The following ITPR2 variants were observed in gnomAD, a reference collection of about 807,000 sequenced individuals.
The protein encoded by ITPR2 is inositol 1,4,5-trisphosphate-gated calcium channel ITPR2.
Under a neutral mutation model 317.1 loss-of-function variants are expected in ITPR2, and 207 were observed. The observed-to-expected ratio is 0.65, with a 90% CI of 0.58 to 0.73. The LOEUF is 0.73. Ranked by LOEUF, ITPR2 falls within the 30% of genes least tolerant of loss-of-function variation. The pLI is 0.00. For missense variants in ITPR2, 2,613 were observed against 3,284.0 expected (o/e 0.80, Z 4.99); for synonymous variants, 1,156 against 1,149.1 (o/e 1.01, Z -0.12).
At chr12:26,701,804 C>A (rs1326587794) in intron 9 of ITPR2, among the ~76,000 whole-genome samples, 1 of 152,106 alleles carries the variant, frequency 6.6e-6, no homozygotes, top group Non-Finnish European at 1.5e-5. Context: ...TGTTTACTGC[C>A]ATCTGGTGGA....
intron 5 of ITPR2, chr12:26,721,141 G>A: frequency 2.5e-6 from 1 of 403,892 alleles, no homozygotes; most frequent in Non-Finnish European, 4.4e-6. Flanking sequence ...ACTATTTAAT[G>A]AAACTAAAAT....
rs542092614 is a variant in ITPR2, at chr12:26,626,815, A to C, written c.3064+1218T>G. On this transcript the variant is annotated intron_variant, in intron 23 of 56. Transcript: ENST00000381340. Reference sequence around the variant, plus strand: ...GGACGAAGAAGAGGGGAGAGTTCCTAATGTCACAGTGGTGGCAGTTAGAAG... The same window carrying C: ...GGACGAAGAAGAGGGGAGAGTTCCTCATGTCACAGTGGTGGCAGTTAGAAG... 2.0e-5 allele frequency among the ~76,000 whole-genome samples: 3 copies of C among 152,342 alleles called. No homozygotes were observed. In the South Asian group the frequency reaches 6.2e-4, roughly 32 times the overall value.
At chr12:26,428,150 T>C (rs1941118244) in intron 48 of ITPR2, 62 bp from the exon 49 acceptor site, 1 of 1,313,244 alleles carries the variant, frequency 7.6e-7, no homozygotes, top group Admixed American at 2.4e-5. Context: ...CTAAAATATT[T>C]GCTGCTCTAC....
At chr12:26,628,386 T>C (rs555391748) in intron 22 of ITPR2, among the ~76,000 whole-genome samples, 5 of 152,310 alleles carry the variant, frequency 3.3e-5, no homozygotes, top group Admixed American at 6.5e-5. Flanking sequence ...GGAAAGAACA[T>C]TTGACTCCCT....
In ITPR2 at chr12:26,481,158, G is replaced by A. The variant is rs180906254; in HGVS notation, c.6096C>T (p.Tyr2032=). 75 of 1,611,840 alleles carry A rather than the reference G, an allele frequency of 4.7e-5. No homozygotes were observed. In the East Asian group the frequency reaches 1.7e-3, roughly 35 times the overall value. ...ILNDINPLGK[Y]RMDLVLQLKN... ...TTAGCTGGAGCACCAGGTCCATTCG[G>A]TATTTACCAAGAGGGTTTATGTCAT... Residue 2032 remains tyrosine (Y), a synonymous_variant, in exon 43 of 57, where the codon TAC becomes TAT. Transcript: ENST00000381340.
chr12:26,711,507 T>G (rs1948641723), intron 8 of ITPR2, among the ~76,000 whole-genome samples: 1 of 152,184 alleles, frequency 6.6e-6, no homozygotes. Flanking sequence ...CAAACACAGC[T>G]TTACTCAGAA....
chr12:26,687,069 G>A (rs1948141076), intron 10 of ITPR2, among the ~76,000 whole-genome samples: 1 of 152,156 alleles, frequency 6.6e-6, no homozygotes, highest in Non-Finnish European at 1.5e-5. Context: ...AATACTTGGA[G>A]AGGAGCAGAA....
At chr12:26,763,667 G>T (rs1471522504) in intron 2 of ITPR2, among the ~76,000 whole-genome samples, 1 of 151,994 alleles carries the variant, frequency 6.6e-6, no homozygotes, top group Non-Finnish European at 1.5e-5. Context: ...CACTTCCATT[G>T]TTTCCTTCTG....
At chr12:26,427,793 AT>A (rs1371135142) in intron 49 of ITPR2, 119 bp downstream of exon 49, 1 of 618,272 alleles carries the variant, frequency 1.6e-6, no homozygotes, top group Non-Finnish European at 2.4e-6. Flanking sequence ...GTTAATTTAG[AT>A]TTATAATAAA....
chr12:26,550,350 A>G lies in ITPR2; in HGVS notation c.4970T>C (p.Ile1657Thr). The G allele has an allele frequency of 7.5e-7, 1 of 1,329,210 alleles. No individual in the cohort carries two copies. Among genetic ancestry groups the G allele is most frequent in the Non-Finnish European group, 1.1e-6 (1 of 933,826 alleles). 82.3% of individuals were successfully genotyped at this position (1,329,210 alleles called of 1,614,324 possible). The change falls in exon 37 of 57, where the codon ATT becomes ACT. Residue 1657 changes from isoleucine (I) to threonine (T), a missense_variant. Physicochemically the swap from Ile to Thr is moderately conservative, Grantham distance 89 (BLOSUM62 -1). Coordinates refer to ENST00000381340, the MANE Select transcript of ITPR2 (RefSeq NM_002223.4). ...CTCCATTAGTTTCTTTGTATGATTAATCAACCTTAAAGCAAAACATGAGAC... is the reference window on the plus strand; with the variant it reads ...CTCCATTAGTTTCTTTGTATGATTAGTCAACCTTAAAGCAAAACATGAGAC... The part of the protein sequence containing the change: ...IRCGAFMSKL[I>T]NHTKKLMEKE...
intron 13 of ITPR2, among the ~76,000 whole-genome samples, chr12:26,670,980 G>A (rs1057397438): frequency 3.7e-4 from 56 of 152,074 alleles, no homozygotes; most frequent in African/African-American, 1.2e-3. Context: ...GAAATGAAGC[G>A]AGAAGGGAAG....
intron 54 of ITPR2, among the ~76,000 whole-genome samples, chr12:26,389,156 C>A (rs1327953746): frequency 3.3e-5 from 5 of 152,140 alleles, no homozygotes; most frequent in Non-Finnish European, 7.3e-5. Context: ...TTACTCTCCA[C>A]AGCCCATTCT....
chr12:26,598,842 T>C (rs1201710695), intron 30 of ITPR2, among the ~76,000 whole-genome samples: 1 of 152,196 alleles, frequency 6.6e-6, no homozygotes, highest in Non-Finnish European at 1.5e-5. Context: ...AACTTAAAAA[T>C]ATAAAATTTT....
At chr12:26,601,213 T>C (rs1018716312) in intron 28 of ITPR2, among the ~76,000 whole-genome samples, 1 of 152,216 alleles carries the variant, frequency 6.6e-6, no homozygotes, top group Non-Finnish European at 1.5e-5. Context: ...CGAATTCAGA[T>C]GGACTCATGT....
At chr12:26,375,209 G>T (rs772855898) in intron 55 of ITPR2, among the ~76,000 whole-genome samples, 1 of 152,154 alleles carries the variant, frequency 6.6e-6, no homozygotes, top group African/African-American at 2.4e-5. Context: ...AGATCTTACC[G>T]TAATGACTAG....
At chr12:26,638,832 A>G (rs1266489694) in intron 21 of ITPR2, among the ~76,000 whole-genome samples, 1 of 152,230 alleles carries the variant, frequency 6.6e-6, no homozygotes, top group Admixed American at 6.5e-5. Flanking sequence ...CCAACATGGT[A>G]AATTCAAAAT....
At position 26,495,229 on chromosome 12, in the gene ITPR2, C is replaced by G. The variant is rs925579137; in HGVS notation, c.5105G>C (p.Arg1702Pro). Residue 1702 changes from arginine (R) to proline (P), a missense_variant, in exon 38 of 57, where the codon CGA becomes CCA. Arg to Pro is a moderately radical substitution (Grantham distance 103, BLOSUM62 -2). Coordinates refer to ENST00000381340, the MANE Select transcript of ITPR2 (RefSeq NM_002223.4). ...AATACTATAATCACCTTTAAAGTAT[C>G]GATTCAGAAGTATCTTTCTTAATGT... ...GNTLRKILLN[R>P]YFKGDYSIGV... 3.1e-6 allele frequency: 5 copies of G among 1,601,618 alleles called. No homozygotes were observed. Among genetic ancestry groups the G allele is most frequent in the Non-Finnish European group, 4.3e-6 (5 of 1,168,954 alleles).
At chr12:26,711,466 G>C (rs1447327573) in intron 8 of ITPR2, among the ~76,000 whole-genome samples, 198 bp from the exon 9 acceptor site, 1 of 152,134 alleles carries the variant, frequency 6.6e-6, no homozygotes, top group Non-Finnish European at 1.5e-5. Flanking sequence ...TTGTTAACTC[G>C]TGCATGCATG....
intron 32 of ITPR2, among the ~76,000 whole-genome samples, chr12:26,581,882 G>A (rs1258553198): frequency 6.6e-6 from 1 of 152,148 alleles, no homozygotes; most frequent in Admixed American, 6.5e-5. Context: ...CCCTCATTCA[G>A]TGACATTTCA....
Sources: allele counts gnomAD v4.1 joint callset (sites outside exome capture counted in the v4.1 genomes callset), GRCh38; gene constraint gnomAD v4.1.1; transcripts MANE v1.5; gene names NCBI Gene and HGNC (gene_info 2026-07-23, HGNC 2026-07-21).